The following GLDC variants were observed in gnomAD, a reference collection of about 807,000 sequenced individuals.
The protein encoded by GLDC is glycine decarboxylase, also known as glycine dehydrogenase (decarboxylating), mitochondrial.
In GLDC, 104 loss-of-function variants were observed where a neutral mutation model predicts 121.3. That is an observed-to-expected ratio of 0.86 (90% CI 0.73 to 1.01). The LOEUF is 1.01. Among genes scored for constraint, GLDC ranks in the 50% least tolerant of loss-of-function variants. The pLI is 0.00. For missense variants in GLDC, 1,429 were observed against 1,306.6 expected, an observed-to-expected ratio of 1.09 and a Z score of -1.44; for synonymous variants, 546 against 480.6, an observed-to-expected ratio of 1.14 and a Z score of -1.78.
chr9:6,553,984 G>A (rs903033592), intron 19 of GLDC, among the ~76,000 whole-genome samples: 1 of 151,600 alleles, frequency 6.6e-6, no homozygotes, highest in Admixed American at 6.6e-5. Context: ...TTTAACCGTA[G>A]TCCAAGAAAA....
At chr9:6,547,381 A>G (rs1183523083) in intron 21 of GLDC, among the ~76,000 whole-genome samples, 1 of 152,194 alleles carries the variant, frequency 6.6e-6, no homozygotes. Flanking sequence ...CATTGAGCGC[A>G]TTGGCTACAT....
intron 2 of GLDC, among the ~76,000 whole-genome samples, chr9:6,635,620 C>T (rs1407344753): frequency 1.3e-5 from 2 of 151,928 alleles, no homozygotes; most frequent in African/African-American, 4.8e-5. Flanking sequence ...CACTTACAAC[C>T]CCAGCATGTT....
At chr9:6,626,678 T>A (rs1409626921) in intron 2 of GLDC, among the ~76,000 whole-genome samples, 2 of 152,248 alleles carry the variant, frequency 1.3e-5, no homozygotes, top group Non-Finnish European at 1.5e-5. Flanking sequence ...ATTTGAATTT[T>A]CCTTTCACAA....
intron 21 of GLDC, among the ~76,000 whole-genome samples, chr9:6,545,161 T>C (rs1817361781): frequency 2.0e-5 from 3 of 152,180 alleles, no homozygotes; most frequent in African/African-American, 7.2e-5. Flanking sequence ...TTCCTCATTC[T>C]AGCAGAATAC....
In GLDC at chr9:6,638,268, G is replaced by C. The variant is rs532135950; in HGVS notation, c.334+6346C>G. 7.2e-5 allele frequency among the ~76,000 whole-genome samples: 11 copies of C among 151,768 alleles called. No homozygotes were observed. The South Asian group carries it at 2.1e-3, about 29-fold the overall frequency. On this transcript the variant is annotated intron_variant, in intron 2 of 24. Transcript: ENST00000321612. ...ACTGTCGCCCAGGCTGGAGTGCAAT[G>C]GCGCGACTTAGCTCACTGCAACCTC... is the stretch of plus-strand genomic sequence containing the variant.
intron 4 of GLDC, among the ~76,000 whole-genome samples, chr9:6,608,769 T>C (rs558947199): frequency 6.6e-6 from 1 of 151,110 alleles, no homozygotes; most frequent in Non-Finnish European, 1.5e-5. Flanking sequence ...AATTAATAAA[T>C]AATAAATAAA....
Position 6,534,735 on chromosome 9 carries a change from A to AT in GLDC, c.2891dup (p.Tyr964Ter), listed in dbSNP as rs386833572. 1.2e-6 allele frequency: 2 copies of AT among 1,605,702 alleles called. No individual in the cohort carries two copies. The highest frequency in any genetic ancestry group is 2.7e-5 in the African/African-American group (2 of 74,786). Residue 964 changes from tyrosine (Y) to a stop codon, truncating the protein, a stop_gained and frameshift_variant, in exon 24 of 25, where the codon TAT (tyrosine) becomes TAAT (stop). Transcript: ENST00000321612. LOFTEE classifies it high-confidence loss of function. ...CVTSSHWDRP[Y>*]SREVAAFPLP... The stretch of plus-strand genomic sequence containing the variant: ...GTGGGAATGCTGCCACCTCTCTGGA[A>AT]TAAGGCCGGTCCCAGTGGGAAGATG...
chr9:6,617,025 T>C (rs1208832883), intron 3 of GLDC, among the ~76,000 whole-genome samples: 1 of 152,224 alleles, frequency 6.6e-6, no homozygotes, highest in Non-Finnish European at 1.5e-5. Flanking sequence ...ATTCTAGACC[T>C]GATGTAAATT....
intron 21 of GLDC, among the ~76,000 whole-genome samples, chr9:6,544,420 G>A (rs1386114589): frequency 6.6e-6 from 1 of 152,164 alleles, no homozygotes; most frequent in African/African-American, 2.4e-5. Context: ...AAAAAAGGCA[G>A]AAGACCTGAG....
intron 17 of GLDC, chr9:6,558,005 C>T (rs1274531899): frequency 9.8e-6 from 2 of 203,300 alleles, no homozygotes; most frequent in Non-Finnish European, 2.0e-5. Flanking sequence ...ATCAAAATCA[C>T]ATTGCTATTC....
chr9:6,570,894 A>T (rs973451808), intron 15 of GLDC, among the ~76,000 whole-genome samples: 122 of 150,386 alleles, frequency 8.1e-4, no homozygotes, highest in South Asian at 2.5e-3. Flanking sequence ...GTATGTTTTT[A>T]AAAAAAATAT....
intron 15 of GLDC, among the ~76,000 whole-genome samples, chr9:6,572,227 G>C (rs1296208545): frequency 2.0e-5 from 3 of 152,218 alleles, no homozygotes; most frequent in African/African-American, 7.2e-5. Context: ...GGGTTACAAG[G>C]ACAAGCTACA....
chr9:6,563,112 C>T (rs956744458), intron 16 of GLDC, among the ~76,000 whole-genome samples: 5 of 152,150 alleles, frequency 3.3e-5, no homozygotes, highest in South Asian at 2.1e-4. Flanking sequence ...GACAGGAAAA[C>T]ACAAAGAGAG....
chr9:6,576,530 G>C (rs189586794), intron 15 of GLDC, among the ~76,000 whole-genome samples: 168 of 152,130 alleles, frequency 1.1e-3, no homozygotes, highest in African/African-American at 3.8e-3. Context: ...GCAGTGGTGC[G>C]ATCTTGGCTC....
At chr9:6,582,895 G>C (rs1431429605) in intron 15 of GLDC, among the ~76,000 whole-genome samples, 1 of 151,876 alleles carries the variant, frequency 6.6e-6, no homozygotes, top group Non-Finnish European at 1.5e-5. Flanking sequence ...TTAAAAAATG[G>C]GCAAAGGACT....
At chr9:6,615,652 C>T (rs546710902) in intron 3 of GLDC, among the ~76,000 whole-genome samples, 3 of 152,178 alleles carry the variant, frequency 2.0e-5, no homozygotes, top group African/African-American at 7.2e-5. Context: ...TAACTGTCAC[C>T]CAGGCTGGAG....
chr9:6,536,212 C>T lies in GLDC; in HGVS notation c.2690G>A (p.Trp897Ter). The change falls in exon 23 of 25, where the codon TGG (tryptophan) becomes TAG (stop). Residue 897 changes from tryptophan (W) to a stop codon, truncating the protein, a stop_gained. Transcript: ENST00000321612. LOFTEE classifies it high-confidence loss of function. ...CACCATGAGGGTCCCTGCCACAGGC[C>T]AGGACATGGTAGGGGCGTGAAATCC... ...DYGFHAPTMSWPVAGTLMVEP... is the reference protein window; with the variant it reads ...DYGFHAPTMS The T allele has an allele frequency of 1.2e-6, 2 of 1,613,986 alleles. No homozygotes were observed. The highest frequency in any genetic ancestry group is 1.1e-5 in the South Asian group (1 of 91,020).
chr9:6,568,061 T>C (rs377042335), intron 15 of GLDC, among the ~76,000 whole-genome samples: 2 of 152,228 alleles, frequency 1.3e-5, no homozygotes, highest in East Asian at 1.9e-4. Flanking sequence ...ATGAATTCTA[T>C]TCATCTGACT....
At chr9:6,548,063 C>T (rs1021173078) in intron 21 of GLDC, among the ~76,000 whole-genome samples, 2 of 152,126 alleles carry the variant, frequency 1.3e-5, no homozygotes, top group Non-Finnish European at 2.9e-5. Context: ...GACTTGAGCC[C>T]AGGAGCTGAA....
Sources: allele counts gnomAD v4.1 joint callset (sites outside exome capture counted in the v4.1 genomes callset), GRCh38; gene constraint gnomAD v4.1.1; transcripts MANE v1.5; gene names NCBI Gene and HGNC (gene_info 2026-07-23, HGNC 2026-07-21).